The following GCHFR variants were observed in gnomAD, a reference collection of about 807,000 sequenced individuals.
GCHFR encodes the protein GTP cyclohydrolase I feedback regulator, also known as GTP cyclohydrolase 1 feedback regulatory protein.
GCHFR carries 12 observed loss-of-function variants against 10.6 expected under a neutral mutation model. The ratio of observed to expected loss-of-function variants is 1.13; its 90% CI spans 0.72 to 1.83. GCHFR has a LOEUF of 1.83. GCHFR is among the 40% of genes most tolerant of loss of function. GCHFR has a pLI of 0.00. For missense variants in GCHFR, 116 were observed against 110.6 expected, an observed-to-expected ratio of 1.05 and a Z score of -0.22; for synonymous variants, 54 against 43.7, an observed-to-expected ratio of 1.24 and a Z score of -0.93.
chr15:40,766,150 C>T (rs1888944247), intron 2 of GCHFR: 1 of 371,848 alleles, frequency 2.7e-6, no homozygotes, highest in Non-Finnish European at 4.9e-6. Flanking sequence ...ACTGGAACCG[C>T]AGAAACAGAG....
intron 2 of GCHFR, chr15:40,766,999 A>G: frequency 2.6e-6 from 1 of 381,032 alleles, no homozygotes. Context: ...ATCAATGGCC[A>G]CAACAGTGGC....
rs1291861016 is a variant in GCHFR at position 40,767,252 on chromosome 15, C to A, written c.158C>A (p.Pro53His). Residue 53 changes from proline to histidine, a missense_variant, in exon 3 of 3, where the codon CCC (proline) becomes CAC (histidine). By Grantham distance (77) the Pro-to-His change is moderately conservative. Transcript: ENST00000260447. ...TATGAATACTACGTCGATGACCCTC[C>A]CCGCATAGTCCTGGACAAGCTGGAA... ...NFYEYYVDDP[P>H]RIVLDKLERR... The A allele has an allele frequency of 6.3e-7, 1 of 1,591,750 alleles. No homozygotes were observed. The highest frequency in any genetic ancestry group is 8.6e-7 in the Non-Finnish European group (1 of 1,169,446).
At chr15:40,765,617 G>A (rs1310006834) in intron 1 of GCHFR, 7 of 374,310 alleles carry the variant, frequency 1.9e-5, no homozygotes, top group African/African-American at 6.2e-5. Flanking sequence ...GAGCTTTAAG[G>A]CACTAGGGAG....
chr15:40,764,359 G>C (rs147004077), intron 1 of GCHFR, 143 bp downstream of exon 1: 1 of 641,172 alleles, frequency 1.6e-6, no homozygotes, highest in South Asian at 2.8e-5. Context: ...GCCGGGGAGA[G>C]GGAGTGGAGA....
Position 40,767,368 on chromosome 15 carries a change from C to CA in GCHFR, c.*20dup. Reference sequence around the variant, plus strand: ...GGAGTGACCTTCTCATGCTGATTTGCAGACGGGGCACCCCTGTGGAGGGGC... The same window carrying CA: ...GGAGTGACCTTCTCATGCTGATTTGCAAGACGGGGCACCCCTGTGGAGGGGC... On this transcript the variant is annotated 3_prime_UTR_variant, in exon 3 of 3. Coordinates refer to ENST00000260447, the MANE Select transcript of GCHFR (RefSeq NM_005258.3). 6.3e-7 allele frequency: 1 copy of CA among 1,590,022 alleles called. No individual in the cohort carries two copies. The highest frequency in any genetic ancestry group is 8.6e-7 in the Non-Finnish European group (1 of 1,169,048).
In GCHFR at chr15:40,764,159, G is replaced by A; in HGVS notation, c.-22G>A. 6.5e-7 allele frequency: 1 copy of A among 1,545,868 alleles called. No homozygotes were observed. Among genetic ancestry groups the A allele is most frequent in the Non-Finnish European group, 8.7e-7 (1 of 1,146,776 alleles). On this transcript the variant is annotated 5_prime_UTR_variant, in exon 1 of 3. Transcript: ENST00000260447. ...GTCCAGCCTAGAGCCCCCGGTGGGA[G>A]CCAGGCCGGGACGCGTGCACCATGC...
intron 1 of GCHFR, 71 bp downstream of exon 1, chr15:40,764,287 C>G: frequency 7.1e-7 from 1 of 1,401,640 alleles, no homozygotes; most frequent in Non-Finnish European, 9.7e-7. Flanking sequence ...ACCTTCATGC[C>G]TCCCTCCTGG....
chr15:40,766,098 C>G (rs1888942509), intron 2 of GCHFR, 177 bp downstream of exon 2: 1 of 433,200 alleles, frequency 2.3e-6, no homozygotes, highest in South Asian at 4.6e-5. Flanking sequence ...AACATCCCCC[C>G]TCTCCCCCAC....
intron 1 of GCHFR, 45 bp downstream of exon 1, chr15:40,764,261 A>C: frequency 1.3e-6 from 2 of 1,518,592 alleles, no homozygotes; most frequent in Non-Finnish European, 8.9e-7. Context: ...ACCAGGCCCT[A>C]GGGGGCTGCG....
chr15:40,765,569 G>A (rs558827235), intron 1 of GCHFR: 52 of 300,672 alleles, frequency 1.7e-4, no homozygotes, highest in African/African-American at 1.1e-3. Flanking sequence ...CTCAGTAGCT[G>A]GAACTATAGG....
chr15:40,767,567 T>C lies in GCHFR; in HGVS notation c.*218T>C. 1 of 613,974 alleles carries C rather than the reference T, an allele frequency of 1.6e-6. No homozygotes were observed. Among genetic ancestry groups the C allele is most frequent in the Admixed American group, 3.6e-5 (1 of 27,664 alleles). The allele number at this position is 613,974 out of a possible 1,614,324, so 38.0% of individuals were successfully genotyped here. ...GGTGCCCTGGTGCTCCCAGCTGCCCTCCTGCTTCGGGCCTGGGCCGAGGGC... is the reference window on the plus strand; with the variant it reads ...GGTGCCCTGGTGCTCCCAGCTGCCCCCCTGCTTCGGGCCTGGGCCGAGGGC... On this transcript the variant is annotated 3_prime_UTR_variant, in exon 3 of 3. Coordinates refer to ENST00000260447, the MANE Select transcript of GCHFR (RefSeq NM_005258.3).
intron 1 of GCHFR, chr15:40,764,449 C>G: frequency 2.1e-6 from 1 of 471,664 alleles, no homozygotes; most frequent in Non-Finnish European, 3.8e-6. Context: ...GGCCCGGGTA[C>G]GTGCGTCCCG....
In GCHFR at chr15:40,767,504, T is replaced by G; in HGVS notation, c.*155T>G. Reference sequence around the variant, plus strand: ...CCAAAGGGCAGTGAATGGCCTTCTCTGAAACCCTGCGTCAAGCAGTGGGAG... The same window carrying G: ...CCAAAGGGCAGTGAATGGCCTTCTCGGAAACCCTGCGTCAAGCAGTGGGAG... On this transcript the variant is annotated 3_prime_UTR_variant, in exon 3 of 3. Transcript: ENST00000260447. 1 of 852,764 alleles carries G rather than the reference T, an allele frequency of 1.2e-6. No homozygotes were observed. The highest frequency in any genetic ancestry group is 1.7e-6 in the Non-Finnish European group (1 of 583,486). The allele number at this position is 852,764 out of a possible 1,614,324, so 52.8% of individuals were successfully genotyped here.
In GCHFR at chr15:40,767,529, G is replaced by T; in HGVS notation, c.*180G>T. The T allele has an allele frequency of 1.4e-6, 1 of 725,956 alleles. No individual in the cohort carries two copies. Among genetic ancestry groups the T allele is most frequent in the Non-Finnish European group, 2.1e-6 (1 of 473,322 alleles). 45.0% of individuals were successfully genotyped at this position (725,956 alleles called of 1,614,324 possible). ...TGAAACCCTGCGTCAAGCAGTGGGA[G>T]AGGGCAGTGCCCGGTGCCCTGGTGC... On this transcript the variant is annotated 3_prime_UTR_variant, in exon 3 of 3. Coordinates refer to ENST00000260447, the MANE Select transcript of GCHFR (RefSeq NM_005258.3).
In GCHFR at chr15:40,767,115, G is replaced by C. The variant is rs575129891; in HGVS notation, c.132-111G>C. On this transcript the variant is annotated intron_variant, in intron 2 of 2. Coordinates refer to ENST00000260447, the MANE Select transcript of GCHFR (RefSeq NM_005258.3). ...TACCCCAGCGCCCAGCAAGCAGCCA[G>C]CAAGTGTGAGTCACTACAAGAGTGG... The C allele has an allele frequency of 4.3e-6, 5 of 1,165,802 alleles. No individual in the cohort carries two copies. The African/African-American group carries it at 6.4e-5, about 15-fold the overall frequency. The allele number at this position is 1,165,802 out of a possible 1,614,324, so 72.2% of individuals were successfully genotyped here. A position where few individuals can be genotyped will look rare whatever the true frequency, so the allele number is the denominator to read the frequency against.
chr15:40,764,180 C>T lies in GCHFR; in HGVS notation c.-1C>T. The stretch of plus-strand genomic sequence containing the variant: ...GGGAGCCAGGCCGGGACGCGTGCAC[C>T]ATGCCCTACCTGCTCATCAGCACCC... On this transcript the variant is annotated 5_prime_UTR_variant, in exon 1 of 3. Transcript: ENST00000260447. The T allele has an allele frequency of 6.4e-7, 1 of 1,554,834 alleles. No homozygotes were observed. The highest frequency in any genetic ancestry group is 2.4e-5 in the East Asian group (1 of 41,530).
chr15:40,765,447 GT>G, intron 1 of GCHFR: 1 of 156,682 alleles, frequency 6.4e-6, no homozygotes. Flanking sequence ...ATTTTGTTTT[GT>G]TTTTTTGAAA....
In GCHFR at chr15:40,767,307, G is replaced by T. The variant is rs749155056; in HGVS notation, c.213G>T (p.Thr71=). The T allele has an allele frequency of 6.2e-7, 1 of 1,603,930 alleles. No individual in the cohort carries two copies. Among genetic ancestry groups the T allele is most frequent in the East Asian group, 2.3e-5 (1 of 43,668 alleles). Residue 71 remains threonine, a synonymous_variant, in exon 3 of 3, where the codon ACG becomes ACT. Coordinates refer to ENST00000260447, the MANE Select transcript of GCHFR (RefSeq NM_005258.3). ...ERRGFRVLSM[T]GVGQTLVWCL... is the part of the protein sequence containing the mutation. ...GGGGCTTCCGTGTGCTGAGCATGAC[G>T]GGGGTGGGCCAGACGCTGGTGTGGT...
intron 2 of GCHFR, chr15:40,766,972 CCT>C (rs986108195): frequency 6.3e-5 from 20 of 316,110 alleles, no homozygotes; most frequent in Admixed American, 2.0e-4. Context: ...CTGATTAACC[CCT>C]CTGTTTTCTC....
Sources: gnomAD v4.1 joint callset for allele counts on GRCh38, gnomAD v4.1.1 for gene constraint, MANE v1.5 for transcripts, NCBI Gene and HGNC (gene_info 2026-07-23, HGNC 2026-07-21) for gene names.